The following NOL4 variants were observed in gnomAD, a reference collection of about 807,000 sequenced individuals.
The protein encoded by NOL4 is nucleolar protein 4.
Under a neutral mutation model 75.9 loss-of-function variants are expected in NOL4, and 17 were observed. That is an observed-to-expected ratio of 0.22 (90% CI 0.15 to 0.34). The LOEUF is 0.34. Ranked by LOEUF, NOL4 falls within the 10% of genes least tolerant of loss-of-function variation. The pLI, the probability that NOL4 is intolerant of heterozygous loss-of-function variation, is 1.00. For missense variants in NOL4, 614 were observed against 793.5 expected (o/e 0.77, Z 2.72); for synonymous variants, 292 against 289.9 (o/e 1.01, Z -0.07).
rs148367558 is a variant in NOL4 at position 33,869,454 on chromosome 18, C to A, written c.1723+13790G>T. Among the ~76,000 whole-genome samples, 89 of 151,978 alleles carry A rather than the reference C, an allele frequency of 5.9e-4. 1 individual carries two copies. Among genetic ancestry groups the A allele is most frequent in the African/African-American group, 2.1e-3 (89 of 41,524 alleles). On this transcript the variant is annotated intron_variant, in intron 10 of 10. Coordinates refer to ENST00000261592, the MANE Select transcript of NOL4 (RefSeq NM_003787.5). ...TGCTACCTCTAGAGTATCCTTTTTG[C>A]TCTTAGAGTCTAATAATTTAAGGTA... is the stretch of plus-strand genomic sequence containing the variant.
At chr18:33,901,706 G>C (rs1317698670) in intron 9 of NOL4, among the ~76,000 whole-genome samples, 3 of 151,868 alleles carry the variant, frequency 2.0e-5, no homozygotes, top group African/African-American at 7.3e-5. Context: ...TAAAATTTAA[G>C]GTTACTAAAA....
intron 2 of NOL4, among the ~76,000 whole-genome samples, chr18:34,129,270 A>G (rs1392652141): frequency 3.3e-5 from 5 of 151,894 alleles, no homozygotes; most frequent in Non-Finnish European, 2.9e-5. Context: ...TATGACAAAA[A>G]CATCATATAC....
At chr18:34,070,335 C>T (rs930387798) in intron 5 of NOL4, among the ~76,000 whole-genome samples, 1 of 152,176 alleles carries the variant, frequency 6.6e-6, no homozygotes, top group African/African-American at 2.4e-5. Context: ...GCCTTTTTTA[C>T]ACTATAAAGT....
At chr18:33,884,332 G>T (rs1599737841) in intron 9 of NOL4, among the ~76,000 whole-genome samples, 1 of 152,066 alleles carries the variant, frequency 6.6e-6, no homozygotes, top group East Asian at 1.9e-4. Flanking sequence ...ACTCCAAGCT[G>T]ATTCCATTAC....
chr18:34,180,339 A>G (rs145674157), intron 1 of NOL4, among the ~76,000 whole-genome samples: 2 of 151,780 alleles, frequency 1.3e-5, no homozygotes, highest in Admixed American at 1.3e-4. Flanking sequence ...GATGGAATAG[A>G]TAAAAATTAG....
chr18:34,140,833 A>G (rs2081119234), intron 1 of NOL4, among the ~76,000 whole-genome samples: 1 of 152,012 alleles, frequency 6.6e-6, no homozygotes, highest in Non-Finnish European at 1.5e-5. Flanking sequence ...GTTCCTTTCC[A>G]TGTTTAGCGC....
chr18:33,863,830 G>C (rs1266148156), intron 10 of NOL4, among the ~76,000 whole-genome samples: 1 of 152,160 alleles, frequency 6.6e-6, no homozygotes, highest in Non-Finnish European at 1.5e-5. Flanking sequence ...CCCTAATGGA[G>C]GTTCTCCATG....
chr18:33,969,248 T>A (rs2070853304), intron 6 of NOL4, among the ~76,000 whole-genome samples: 2 of 152,214 alleles, frequency 1.3e-5, no homozygotes, highest in African/African-American at 4.8e-5. Flanking sequence ...TCCTCTTCAT[T>A]AATTCTATTA....
intron 2 of NOL4, among the ~76,000 whole-genome samples, chr18:34,117,852 G>A (rs1465713661): frequency 2.6e-5 from 4 of 152,162 alleles, no homozygotes; most frequent in Admixed American, 6.5e-5. Flanking sequence ...GCTAATGTGC[G>A]AGCTGAAATA....
At chr18:34,119,653 G>C (rs1292281214) in intron 2 of NOL4, among the ~76,000 whole-genome samples, 2 of 151,780 alleles carry the variant, frequency 1.3e-5, no homozygotes, top group South Asian at 4.2e-4. Context: ...AAGGAGTCTC[G>C]CTCTGTCGCC....
chr18:34,196,326 G>A (rs1406833580), intron 1 of NOL4, among the ~76,000 whole-genome samples: 1 of 152,090 alleles, frequency 6.6e-6, no homozygotes, highest in Non-Finnish European at 1.5e-5. Flanking sequence ...TCAAACTAAG[G>A]AAGGTAACTG....
intron 5 of NOL4, among the ~76,000 whole-genome samples, chr18:34,058,129 G>A (rs2076906318): frequency 6.6e-6 from 1 of 151,892 alleles, no homozygotes; most frequent in Non-Finnish European, 1.5e-5. Flanking sequence ...CTGCTGGCCT[G>A]TTGTTCCTTA....
chr18:34,132,329 A>G (rs2080690478), intron 1 of NOL4, among the ~76,000 whole-genome samples: 2 of 152,368 alleles, frequency 1.3e-5, no homozygotes, highest in Middle Eastern at 3.4e-3. Flanking sequence ...TAGGGTGGCC[A>G]TTATTCAACC....
At chr18:33,872,314 T>A (rs1022046495) in intron 10 of NOL4, among the ~76,000 whole-genome samples, 2 of 152,046 alleles carry the variant, frequency 1.3e-5, no homozygotes, top group Non-Finnish European at 2.9e-5. Context: ...TGGTTTTCAA[T>A]GCCTACATTA....
chr18:34,039,346 T>C (rs2076044796), intron 5 of NOL4, among the ~76,000 whole-genome samples: 1 of 152,032 alleles, frequency 6.6e-6, no homozygotes. Context: ...TGGGTGGCTT[T>C]TTTTTTCCCC....
intron 1 of NOL4, among the ~76,000 whole-genome samples, chr18:34,174,635 G>A (rs141849427): frequency 0.034 from 5,199 of 151,960 alleles, 91 homozygotes; most frequent in Middle Eastern, 0.045. Context: ...CCATCAGCCC[G>A]TCACCTACAT....
At chr18:33,953,739 C>T (rs1312806309) in intron 8 of NOL4, among the ~76,000 whole-genome samples, 1 of 152,018 alleles carries the variant, frequency 6.6e-6, no homozygotes, top group Non-Finnish European at 1.5e-5. Flanking sequence ...TAATTATTGC[C>T]CTAGTGTCCG....
chr18:33,950,271 A>G (rs1344506313), intron 8 of NOL4, among the ~76,000 whole-genome samples: 1 of 151,946 alleles, frequency 6.6e-6, no homozygotes, highest in Non-Finnish European at 1.5e-5. Flanking sequence ...TAAATGTTAT[A>G]TAACTGTTTT....
intron 2 of NOL4, among the ~76,000 whole-genome samples, chr18:34,109,373 G>T (rs142435965): frequency 6.6e-6 from 1 of 151,840 alleles, no homozygotes; most frequent in Non-Finnish European, 1.5e-5. Context: ...GTAAAAATTC[G>T]TCGGGCATGG....
Sources: allele counts gnomAD v4.1 joint callset (sites outside exome capture counted in the v4.1 genomes callset), GRCh38; gene constraint gnomAD v4.1.1; transcripts MANE v1.5; gene names NCBI Gene and HGNC (gene_info 2026-07-23, HGNC 2026-07-21).